The following SRGAP3 variants were observed in gnomAD, a reference collection of about 807,000 sequenced individuals.
SRGAP3 encodes the protein SLIT-ROBO Rho GTPase activating protein 3.
In SRGAP3, 39 loss-of-function variants were observed where a neutral mutation model predicts 121.1. The ratio of observed to expected loss-of-function variants is 0.32; its 90% CI spans 0.25 to 0.42. The LOEUF (loss-of-function observed/expected upper bound fraction) is 0.42. Ranked by LOEUF, SRGAP3 falls within the 10% of genes least tolerant of loss-of-function variation. SRGAP3 has a pLI of 1.00. For synonymous variants in SRGAP3, 601 were observed against 570.0 expected, an observed-to-expected ratio of 1.05 and a Z score of -0.77; for missense variants, 1,213 against 1,470.6, an observed-to-expected ratio of 0.82 and a Z score of 2.86.
chr3:9,053,001 G>A (rs1030875034), intron 9 of SRGAP3, 26 bp downstream of exon 9: 1 of 1,611,880 alleles, frequency 6.2e-7, no homozygotes, highest in East Asian at 2.2e-5. Flanking sequence ...CCGACAGTGT[G>A]GTTCTGGGCC....
In SRGAP3 at chr3:8,992,951, G is replaced by C; in HGVS notation, c.2513C>G (p.Pro838Arg). ...KASSKNDLQS[P>R]TEHISDYGFG... ...GCCGTAATCCGAGATGTGCTCCGTG[G>C]GGGACTGGAGGTCGTTTTTGGAAGA... Residue 838 changes from proline (P) to arginine (R), a missense_variant, in exon 20 of 22, where the codon CCC becomes CGC. By Grantham distance (103) the Pro-to-Arg change is moderately radical. Around this residue, in one of 2 missense-constraint regions of SRGAP3, gnomAD observed 420 missense variants for 437.7 expected, o/e 0.96. Coordinates refer to ENST00000383836, the MANE Select transcript of SRGAP3 (RefSeq NM_014850.4). The C allele has an allele frequency of 6.2e-7, 1 of 1,614,210 alleles. No individual in the cohort carries two copies. The highest frequency in any genetic ancestry group is 8.5e-7 in the Non-Finnish European group (1 of 1,180,050).
intron 1 of SRGAP3, among the ~76,000 whole-genome samples, chr3:9,334,686 C>T (rs565251624): frequency 1.3e-5 from 2 of 152,286 alleles, no homozygotes; most frequent in Non-Finnish European, 2.9e-5. Context: ...AGAGTTTGGC[C>T]TTGGTGACTG....
At chr3:9,203,348 CCT>C (rs1373589807) in intron 1 of SRGAP3, among the ~76,000 whole-genome samples, 2 of 152,230 alleles carry the variant, frequency 1.3e-5, no homozygotes, top group African/African-American at 4.8e-5. Context: ...AACCACTTAA[CCT>C]CTCTGAATCA....
chr3:9,075,716 T>C (rs995347740), intron 4 of SRGAP3, among the ~76,000 whole-genome samples: 1 of 151,870 alleles, frequency 6.6e-6, no homozygotes, highest in Non-Finnish European at 1.5e-5. Flanking sequence ...AAAAGTGGAG[T>C]TTACTGGAAA....
rs1431101506 is a variant in SRGAP3, at chr3:9,109,719, G to T, written c.261-4877C>A. 6.6e-6 allele frequency among the ~76,000 whole-genome samples: 1 copy of T among 152,194 alleles called. No homozygotes were observed. Among genetic ancestry groups the T allele is most frequent in the Admixed American group, 6.5e-5 (1 of 15,276 alleles). On this transcript the variant is annotated intron_variant, in intron 2 of 21. Coordinates refer to ENST00000383836, the MANE Select transcript of SRGAP3 (RefSeq NM_014850.4). The surrounding 1 kb of genome is among the most constrained non-coding windows in gnomAD (Gnocchi z 4.4). ...GAGCAGAGAGGAGCCTCCTTCCCCAGATCTGGTGGTGAGGTTGGTCATGCA... is the reference window on the plus strand; with the variant it reads ...GAGCAGAGAGGAGCCTCCTTCCCCATATCTGGTGGTGAGGTTGGTCATGCA...
At chr3:9,332,352 T>G (rs1405028168) in intron 1 of SRGAP3, among the ~76,000 whole-genome samples, 1 of 152,186 alleles carries the variant, frequency 6.6e-6, no homozygotes, top group Non-Finnish European at 1.5e-5. Context: ...ACTCCCAACC[T>G]CAAGTGATCC....
At chr3:9,281,213 G>A (rs1247512242) in intron 3 of SRGAP3, among the ~76,000 whole-genome samples, 3 of 152,194 alleles carry the variant, frequency 2.0e-5, no homozygotes, top group Non-Finnish European at 2.9e-5. Context: ...TACAGTATCA[G>A]GCAGCATGGC....
rs1260804032 is a variant in SRGAP3, at chr3:9,274,356, G to A, written n.442+51654C>T. On this transcript the variant is annotated intron_variant and non_coding_transcript_variant, in intron 3 of 3. Coordinates refer to the SRGAP3 transcript ENST00000490889. The stretch of plus-strand genomic sequence containing the variant: ...TAGCCAGCTGCTTCAGCACTGACAG[G>A]AGTGAATTCCACTCACTCAGACCTG... 2.0e-5 allele frequency among the ~76,000 whole-genome samples: 3 copies of A among 152,236 alleles called. No individual in the cohort carries two copies. The East Asian group carries it at 5.8e-4, about 29-fold the overall frequency.
intron 3 of SRGAP3, among the ~76,000 whole-genome samples, chr3:9,268,914 C>G (rs1559252414): frequency 6.6e-6 from 1 of 152,158 alleles, no homozygotes; most frequent in Non-Finnish European, 1.5e-5. Flanking sequence ...CTGAGACATC[C>G]AACGCTGTCC....
intron 18 of SRGAP3, among the ~76,000 whole-genome samples, chr3:9,002,030 T>C (rs548122348): frequency 5.9e-5 from 9 of 152,174 alleles, no homozygotes; most frequent in Admixed American, 3.3e-4. Flanking sequence ...AAAGAGGAAA[T>C]AGAAGACTTA....
chr3:9,319,512 G>A (rs190006476), intron 3 of SRGAP3, among the ~76,000 whole-genome samples: 25 of 151,952 alleles, frequency 1.6e-4, no homozygotes, highest in Non-Finnish European at 3.1e-4. Flanking sequence ...ACCAAGAGAC[G>A]GGATTCAAGG....
intron 3 of SRGAP3, among the ~76,000 whole-genome samples, chr3:9,093,600 T>A (rs1422950896): frequency 6.6e-6 from 1 of 152,146 alleles, no homozygotes; most frequent in African/African-American, 2.4e-5. Flanking sequence ...CACTCATCCA[T>A]TCATCCATCT....
At chr3:9,097,015 G>A (rs1443769421) in intron 3 of SRGAP3, among the ~76,000 whole-genome samples, 6 of 138,812 alleles carry the variant, frequency 4.3e-5, no homozygotes, top group African/African-American at 1.6e-4. Flanking sequence ...ATTAGAGACA[G>A]GGTCTCTCTC....
chr3:9,089,948 A>G (rs1947677473), intron 3 of SRGAP3, among the ~76,000 whole-genome samples: 1 of 152,136 alleles, frequency 6.6e-6, no homozygotes, highest in African/African-American at 2.4e-5. Flanking sequence ...GGAGTCTTGC[A>G]CTGCCTGCAG....
chr3:9,034,954 T>C (rs1944675953), intron 11 of SRGAP3: 1 of 152,196 alleles, frequency 6.6e-6, no homozygotes, highest in African/African-American at 2.4e-5. Flanking sequence ...TCACATTGCA[T>C]GACAACCTCA....
At chr3:9,327,776 A>T (rs1955543582) in intron 2 of SRGAP3, among the ~76,000 whole-genome samples, 1 of 152,256 alleles carries the variant, frequency 6.6e-6, no homozygotes, top group Non-Finnish European at 1.5e-5. Context: ...TATTTCTGGC[A>T]TAAATTCCAT....
chr3:9,096,937 G>GTATATATATATATATA (rs58305278), intron 3 of SRGAP3, among the ~76,000 whole-genome samples: 3 of 61,320 alleles, frequency 4.9e-5, no homozygotes, highest in Non-Finnish European at 6.9e-5. Flanking sequence ...ACATTATTTT[G>GTATATATATATATATA]TATATATATA....
intron 1 of SRGAP3, among the ~76,000 whole-genome samples, chr3:9,182,597 A>ACAG (rs1458663543): frequency 3.3e-5 from 5 of 152,222 alleles, no homozygotes; most frequent in Admixed American, 1.3e-4. Context: ...ATGCTGTGTT[A>ACAG]CAGCACTCCT....
intron 1 of SRGAP3, among the ~76,000 whole-genome samples, chr3:9,354,562 C>G (rs554983682): frequency 1.2e-3 from 185 of 151,904 alleles, no homozygotes; most frequent in African/African-American, 4.0e-3. Context: ...GGCGCCTGTA[C>G]TCCCAGCTAC....
Sources: gnomAD v4.1 joint callset for allele counts (sites outside exome capture counted in the v4.1 genomes callset) on GRCh38, gnomAD v4.1.1 for gene constraint, gnomAD v4.1.1 regional missense constraint, Gnocchi (gnomAD v3.1) non-coding constraint, MANE v1.5 for transcripts, NCBI Gene and HGNC (gene_info 2026-07-23, HGNC 2026-07-21) for gene names.